The following SH3KBP1 variants were observed in gnomAD, a reference collection of about 807,000 sequenced individuals.
SH3KBP1 encodes SH3 domain-containing kinase-binding protein 1.
Under a neutral mutation model 50.1 loss-of-function variants are expected in SH3KBP1, and 8 were observed. That is an observed-to-expected ratio of 0.16 (90% CI 0.09 to 0.29). The LOEUF (loss-of-function observed/expected upper bound fraction) is 0.29, where lower values mean the gene tolerates loss of function less well. Ranked by LOEUF, SH3KBP1 falls within the 10% of genes least tolerant of loss-of-function variation. The probability of loss-of-function intolerance (pLI) is 1.00; values close to 1 mark genes in which losing one functional copy is unlikely to be tolerated. For missense variants in SH3KBP1, 377 were observed against 535.2 expected, an observed-to-expected ratio of 0.70 and a Z score of 2.92; for synonymous variants, 227 against 218.6, an observed-to-expected ratio of 1.04 and a Z score of -0.34.
intron 7 of SH3KBP1, among the ~76,000 whole-genome samples, chrX:19,633,023 C>T (rs1251770195): frequency 8.9e-6 from 1 of 111,762 alleles, no homozygotes; most frequent in Non-Finnish European, 1.9e-5. Context: ...TTATACTGTC[C>T]CTAGTGTAAT....
intron 2 of SH3KBP1, among the ~76,000 whole-genome samples, chrX:19,806,660 T>C (rs2067056723): frequency 1.8e-5 from 2 of 111,800 alleles, no homozygotes; most frequent in Non-Finnish European, 1.9e-5. Context: ...CACTGTATAG[T>C]ATTCTGCTGT....
chrX:19,773,119 T>G lies in SH3KBP1; in HGVS notation c.163-26678A>C, dbSNP rs368563367. 6.4e-4 allele frequency among the ~76,000 whole-genome samples: 71 copies of G among 110,325 alleles called. 1 individual carries two copies. In the South Asian group the frequency reaches 0.027, roughly 42 times the overall value. ...ATACAGATAGGCACACAGACACAAA[T>G]AGGAGAGAAACCCATAAGAAGAGAT... On this transcript the variant is annotated intron_variant, in intron 2 of 17. Coordinates refer to ENST00000397821, the MANE Select transcript of SH3KBP1 (RefSeq NM_031892.3).
intron 12 of SH3KBP1, among the ~76,000 whole-genome samples, chrX:19,585,928 C>T (rs1381456733): frequency 2.7e-5 from 3 of 112,078 alleles, no homozygotes; most frequent in Admixed American, 9.4e-5. Flanking sequence ...CACCCTCCTG[C>T]AAACCAGTGT....
At chrX:19,667,442 A>G (rs1046582212) in intron 6 of SH3KBP1, among the ~76,000 whole-genome samples, 5 of 111,115 alleles carry the variant, frequency 4.5e-5, no homozygotes, top group Non-Finnish European at 7.5e-5. Context: ...TGGGGGCAAC[A>G]TAGTAAGACC....
At chrX:19,755,423 AAAC>A (rs1454918044) in intron 2 of SH3KBP1, among the ~76,000 whole-genome samples, 2 of 112,006 alleles carry the variant, frequency 1.8e-5, no homozygotes, top group African/African-American at 3.2e-5. Context: ...ATAACATAGC[AAAC>A]AACAACAACG....
chrX:19,758,612 T>G (rs2065288512), intron 2 of SH3KBP1, among the ~76,000 whole-genome samples: 1 of 111,247 alleles, frequency 9.0e-6, no homozygotes, highest in Admixed American at 9.6e-5. Context: ...AATTTTAAAA[T>G]GTTTCTCACT....
At chrX:19,750,184 G>T (rs1345023768) in intron 2 of SH3KBP1, among the ~76,000 whole-genome samples, 1 of 111,401 alleles carries the variant, frequency 9.0e-6, no homozygotes, top group Non-Finnish European at 1.9e-5. Context: ...TCAGCCTCCC[G>T]AATAGCTGGG....
In SH3KBP1 at chrX:19,536,138, G is replaced by A. The variant is rs2064701759; in HGVS notation, c.*279C>T. On this transcript the variant is annotated 3_prime_UTR_variant, in exon 18 of 18. Transcript: ENST00000397821. Reference sequence around the variant, plus strand: ...TACCACTATGGACTAAACTGCCTGAGTTTTCATTTCGCATTGAGATCTCAG... The same window carrying A: ...TACCACTATGGACTAAACTGCCTGAATTTTCATTTCGCATTGAGATCTCAG... The A allele has an allele frequency of 4.4e-6, 1 of 227,870 alleles. No individual in the cohort carries two copies. Among genetic ancestry groups the A allele is most frequent in the Non-Finnish European group, 8.0e-6 (1 of 125,582 alleles). 18.8% of individuals were successfully genotyped at this position (227,870 alleles called of 1,213,427 possible).
At chrX:19,700,467 T>C (rs1480536136) in intron 4 of SH3KBP1, among the ~76,000 whole-genome samples, 1 of 112,129 alleles carries the variant, frequency 8.9e-6, no homozygotes, top group Admixed American at 9.5e-5. Flanking sequence ...AGCATTTCCA[T>C]CACTCCAGAA....
chrX:19,573,677 G>T (rs900602031), intron 12 of SH3KBP1, among the ~76,000 whole-genome samples: 3 of 111,487 alleles, frequency 2.7e-5, no homozygotes, highest in African/African-American at 9.8e-5. Flanking sequence ...TATTACCAAG[G>T]TAAAAGCTGA....
intron 2 of SH3KBP1, among the ~76,000 whole-genome samples, chrX:19,831,879 G>A (rs1319663358): frequency 1.9e-5 from 2 of 106,742 alleles, no homozygotes; most frequent in Non-Finnish European, 3.8e-5. Context: ...CATGCATAAA[G>A]CCACTTTCAA....
At chrX:19,670,948 A>AGCAC (rs1025967489) in intron 6 of SH3KBP1, 1 of 1,133,256 alleles carries the variant, frequency 8.8e-7, no homozygotes, top group African/African-American at 1.9e-5. Context: ...TCCTTCCAAC[A>AGCAC]GCACGGAGCC....
chrX:19,808,290 T>C (rs2067110666), intron 2 of SH3KBP1, among the ~76,000 whole-genome samples: 1 of 110,785 alleles, frequency 9.0e-6, no homozygotes, highest in African/African-American at 3.3e-5. Flanking sequence ...CCCCCAGCTG[T>C]AGCAGGTATC....
intron 2 of SH3KBP1, among the ~76,000 whole-genome samples, chrX:19,782,305 C>T (rs1410952129): frequency 3.6e-5 from 4 of 111,777 alleles, no homozygotes; most frequent in African/African-American, 1.3e-4. Context: ...ATGGCTTCTC[C>T]CCTAGAACAC....
intron 12 of SH3KBP1, among the ~76,000 whole-genome samples, chrX:19,578,947 C>T (rs1041162874): frequency 1.8e-5 from 2 of 111,435 alleles, no homozygotes; most frequent in Non-Finnish European, 3.8e-5. Flanking sequence ...TGCTATGAGT[C>T]CCCACATACT....
intron 2 of SH3KBP1, among the ~76,000 whole-genome samples, chrX:19,830,761 C>CA (rs1172927514): frequency 6.6e-4 from 72 of 108,730 alleles, no homozygotes; most frequent in African/African-American, 2.3e-3. Flanking sequence ...GACCCTGTCT[C>CA]AAAAAAAGAC....
chrX:19,702,209 G>A (rs772663982), intron 4 of SH3KBP1, among the ~76,000 whole-genome samples: 3 of 111,971 alleles, frequency 2.7e-5, no homozygotes, highest in East Asian at 5.6e-4. Context: ...AGTATGCTTC[G>A]ATCACCTATT....
intron 1 of SH3KBP1, among the ~76,000 whole-genome samples, chrX:19,884,273 T>C (rs2069527799): frequency 8.9e-6 from 1 of 112,965 alleles, no homozygotes; most frequent in Non-Finnish European, 1.9e-5. Context: ...GTGTCATGTC[T>C]CTGTTCTGCA....
chrX:19,684,047 G>C lies in SH3KBP1; in HGVS notation c.521-19C>G, dbSNP rs960694131. ...CTTAAACCTGTCAAGAGTGGGGATGGGGAGAGAAAGAGCTCAGAAATCAGC... is the reference window on the plus strand; with the variant it reads ...CTTAAACCTGTCAAGAGTGGGGATGCGGAGAGAAAGAGCTCAGAAATCAGC... On this transcript the variant is annotated intron_variant, in intron 5 of 17. Coordinates refer to ENST00000397821, the MANE Select transcript of SH3KBP1 (RefSeq NM_031892.3). The C allele has an allele frequency of 8.6e-7, 1 of 1,166,383 alleles. No homozygotes were observed. The highest frequency in any genetic ancestry group is 1.2e-6 in the Non-Finnish European group (1 of 856,278).
Sources: gnomAD v4.1 joint callset for allele counts (sites outside exome capture counted in the v4.1 genomes callset) on GRCh38, gnomAD v4.1.1 for gene constraint, MANE v1.5 for transcripts, NCBI Gene and HGNC (gene_info 2026-07-23, HGNC 2026-07-21) for gene names.